The following STK25 variants were observed in gnomAD, a reference collection of about 807,000 sequenced individuals.
STK25 encodes serine/threonine kinase 25.
Under a neutral mutation model 53.8 loss-of-function variants are expected in STK25, and 29 were observed. The observed-to-expected ratio is 0.54, with a 90% CI of 0.40 to 0.74. The LOEUF (loss-of-function observed/expected upper bound fraction) is 0.74, where lower values mean the gene tolerates loss of function less well. STK25 is among the 30% of genes least tolerant of loss of function. The probability of loss-of-function intolerance (pLI) is 0.00; values close to 1 mark genes in which losing one functional copy is unlikely to be tolerated. For synonymous variants in STK25, 247 were observed against 238.3 expected, an observed-to-expected ratio of 1.04 and a Z score of -0.33; for missense variants, 420 against 568.0, an observed-to-expected ratio of 0.74 and a Z score of 2.65.
At chr2:241,499,621 C>G in intron 5 of STK25, 1 of 628,444 alleles carries the variant, frequency 1.6e-6, no homozygotes, top group South Asian at 2.0e-5. Flanking sequence ...GGCTCCACTC[C>G]GAGCTCCAGG....
chr2:241,498,920 G>A (rs766927899), intron 7 of STK25, 69 bp downstream of exon 7: 7 of 1,609,844 alleles, frequency 4.3e-6, no homozygotes, highest in Middle Eastern at 1.7e-4. Flanking sequence ...GGGCTGTGCC[G>A]CCCACCCCAA....
Position 241,507,522 on chromosome 2 carries a change from G to A in STK25, c.30+484C>T, listed in dbSNP as rs143645728. On this transcript the variant is annotated intron_variant, in intron 2 of 11. Coordinates refer to ENST00000316586, the MANE Select transcript of STK25 (RefSeq NM_001271977.2). Reference sequence around the variant, plus strand: ...TGTTCTCTGCTTTCCCTGCACACCGGCCACTCAGATCTGCTTCTCCACAAT... The same window carrying A: ...TGTTCTCTGCTTTCCCTGCACACCGACCACTCAGATCTGCTTCTCCACAAT... Among the ~76,000 whole-genome samples, 160 of 152,328 alleles carry A rather than the reference G, an allele frequency of 1.1e-3. 1 individual carries two copies. Among genetic ancestry groups the A allele is most frequent in the African/African-American group, 3.5e-3 (144 of 41,578 alleles).
chr2:241,504,469 G>A lies in STK25; in HGVS notation c.31-2761C>T, dbSNP rs918986503. 3.3e-5 allele frequency among the ~76,000 whole-genome samples: 5 copies of A among 152,290 alleles called. No individual in the cohort carries two copies. The East Asian group carries it at 9.6e-4, about 29-fold the overall frequency. ...GGGGTCATTCCGGTCAAGGTGAGCT[G>A]TGTCTGCCCCCAGCCCCATCACTGC... On this transcript the variant is annotated intron_variant, in intron 2 of 11. Transcript: ENST00000316586.
intron 2 of STK25, among the ~76,000 whole-genome samples, chr2:241,504,779 A>G (rs2065723182): frequency 6.6e-6 from 1 of 152,046 alleles, no homozygotes; most frequent in African/African-American, 2.4e-5. Context: ...GTCAGTGTTA[A>G]AATATCACCC....
At position 241,501,037 on chromosome 2, in the gene STK25, G is replaced by A. The variant is rs1039649796; in HGVS notation, c.262-241C>T. On this transcript the variant is annotated intron_variant, in intron 3 of 11. Coordinates refer to ENST00000316586, the MANE Select transcript of STK25 (RefSeq NM_001271977.2). This position sits in a 1 kb window ranked among gnomAD's most constrained non-coding sequence, Gnocchi z 5.3. ...GCAGTGGCTGACTCCACTTCACCAA[G>A]ACCCCATCAAAAACCAGGCTGCTGA... 2.2e-5 allele frequency: 13 copies of A among 585,914 alleles called. No individual in the cohort carries two copies. Among genetic ancestry groups the A allele is most frequent in the Non-Finnish European group, 1.8e-5 (6 of 328,718 alleles). 36.3% of individuals were successfully genotyped at this position (585,914 alleles called of 1,614,324 possible). A position where few individuals can be genotyped will look rare whatever the true frequency, so the allele number is the denominator to read the frequency against.
In STK25 at chr2:241,495,789, G is replaced by A. The variant is rs2065115004; in HGVS notation, c.1242-88C>T. The A allele has an allele frequency of 5.8e-6, 8 of 1,373,678 alleles. No individual in the cohort carries two copies. In the South Asian group the frequency reaches 7.0e-5, roughly 12 times the overall value. 85.1% of individuals were successfully genotyped at this position (1,373,678 alleles called of 1,614,324 possible). ...CTTGGGTGTGCAGTCTGCGGTGGCA[G>A]CCCTGACAAGCCACCGCACCACGTG... On this transcript the variant is annotated intron_variant, in intron 11 of 11. Coordinates refer to ENST00000316586, the MANE Select transcript of STK25 (RefSeq NM_001271977.2).
upstream of STK25, chr2:241,508,770 T>C (rs929601026): frequency 2.0e-6 from 2 of 984,162 alleles, no homozygotes; most frequent in Non-Finnish European, 1.2e-6. Flanking sequence ...CCCCTAGTCC[T>C]GCTCCCGAAA....
Position 241,495,592 on chromosome 2 carries a change from A to G in STK25, c.*70T>C. 6.4e-7 allele frequency: 1 copy of G among 1,571,892 alleles called. No individual in the cohort carries two copies. The highest frequency in any genetic ancestry group is 8.8e-7 in the Non-Finnish European group (1 of 1,141,632). On this transcript the variant is annotated 3_prime_UTR_variant, in exon 12 of 12. Transcript: ENST00000316586. ...CATAGCACAGGGCACCTTCCAAGTC[A>G]GCACAGTTCTTATGGAGCTCAGAAC...
intron 2 of STK25, among the ~76,000 whole-genome samples, chr2:241,506,873 G>A (rs1199356231): frequency 1.3e-5 from 2 of 152,228 alleles, no homozygotes; most frequent in Admixed American, 6.5e-5. Flanking sequence ...CCAAAAATCT[G>A]TTAGCTTAAT....
chr2:241,506,759 C>T (rs1462617965), intron 2 of STK25, among the ~76,000 whole-genome samples: 1 of 152,148 alleles, frequency 6.6e-6, no homozygotes, highest in African/African-American at 2.4e-5. Flanking sequence ...AAAAGCGAAA[C>T]TCCGTCTCAA....
At chr2:241,499,844 T>C in intron 5 of STK25, 2 of 466,266 alleles carry the variant, frequency 4.3e-6, no homozygotes, top group South Asian at 4.1e-5. Flanking sequence ...TCCCGTCTGC[T>C]CTCAGCAGGG....
Position 241,494,853 on chromosome 2 carries a change from CTCT to C in STK25, c.*806_*808del, listed in dbSNP as rs2065063586. 6.6e-6 allele frequency: 1 copy of C among 152,162 alleles called. No individual in the cohort carries two copies. Among genetic ancestry groups the C allele is most frequent in the African/African-American group, 2.4e-5 (1 of 41,426 alleles). 9.4% of individuals were successfully genotyped at this position (152,162 alleles called of 1,614,324 possible). A position where few individuals can be genotyped will look rare whatever the true frequency, so the allele number is the denominator to read the frequency against. ...ACAGCATCTCCCCACCTGCATTCTCCTCTGCCTGCTCTGTTCTTCCGGTGGGCC... is the reference window on the plus strand; with the variant it reads ...ACAGCATCTCCCCACCTGCATTCTCCGCCTGCTCTGTTCTTCCGGTGGGCC... On this transcript the variant is annotated 3_prime_UTR_variant, in exon 12 of 12. Transcript: ENST00000316586. The surrounding 1 kb of genome is among the most constrained non-coding windows in gnomAD (Gnocchi z 4.9).
rs996576945 is a variant in STK25 at position 241,496,537 on chromosome 2, G to A, written c.1105-3C>T. 1.2e-6 allele frequency: 2 copies of A among 1,612,722 alleles called. No homozygotes were observed. Among genetic ancestry groups the A allele is most frequent in the Non-Finnish European group, 8.5e-7 (1 of 1,179,332 alleles). On this transcript the variant is annotated splice_region_variant and splice_polypyrimidine_tract_variant and intron_variant, in intron 10 of 11. Coordinates refer to ENST00000316586, the MANE Select transcript of STK25 (RefSeq NM_001271977.2). This position sits in a 1 kb window ranked among gnomAD's most constrained non-coding sequence, Gnocchi z 5.8. ...CTCTGCTTGTGCTTCTCTTTGAGCT[G>A]TGAAAAGACCACCACGCCTGACCCT...
Position 241,493,046 on chromosome 2 carries a change from T to A in STK25, c.*2616A>T. ...CTACAAAACTCATCAGGTACTGGAG[T>A]TTCACTGGAGCCCAATGCAGGTGAT... On this transcript the variant is annotated 3_prime_UTR_variant, in exon 12 of 12. Transcript: ENST00000316586. The A allele has an allele frequency of 6.8e-7, 1 of 1,464,476 alleles. No individual in the cohort carries two copies. The highest frequency in any genetic ancestry group is 9.6e-7 in the Non-Finnish European group (1 of 1,043,274). 90.7% of individuals were successfully genotyped at this position (1,464,476 alleles called of 1,614,324 possible).
chr2:241,495,578 G>T lies in STK25; in HGVS notation c.*84C>A. 6.7e-7 allele frequency: 1 copy of T among 1,499,968 alleles called. No individual in the cohort carries two copies. The highest frequency in any genetic ancestry group is 9.3e-7 in the Non-Finnish European group (1 of 1,076,758). 92.9% of individuals were successfully genotyped at this position (1,499,968 alleles called of 1,614,324 possible). A position where few individuals can be genotyped will look rare whatever the true frequency, so the allele number is the denominator to read the frequency against. On this transcript the variant is annotated 3_prime_UTR_variant, in exon 12 of 12. Transcript: ENST00000316586. The stretch of plus-strand genomic sequence containing the variant: ...CCCTGCAGGCACGACATAGCACAGG[G>T]CACCTTCCAAGTCAGCACAGTTCTT...
Position 241,507,093 on chromosome 2 carries a change from G to T in STK25, c.30+913C>A, listed in dbSNP as rs201174631. 3.3e-5 allele frequency among the ~76,000 whole-genome samples: 5 copies of T among 152,330 alleles called. No individual in the cohort carries two copies. In the East Asian group the frequency reaches 9.7e-4, roughly 29 times the overall value. On this transcript the variant is annotated intron_variant, in intron 2 of 11. Coordinates refer to ENST00000316586, the MANE Select transcript of STK25 (RefSeq NM_001271977.2). ...CCATTCAGCACATAGGAGTGAACAA[G>T]GAGGGCCACACATTTTAGCGGCGAT...
Position 241,501,864 on chromosome 2 carries a change from T to A in STK25, c.31-156A>T. Reference sequence around the variant, plus strand: ...CTTCTCTGGTTTCTTCCTTTCTCCCTTTTTGTTCAAAAACTAAACTTGGCC... The same window carrying A: ...CTTCTCTGGTTTCTTCCTTTCTCCCATTTTGTTCAAAAACTAAACTTGGCC... On this transcript the variant is annotated intron_variant, in intron 2 of 11. Coordinates refer to ENST00000316586, the MANE Select transcript of STK25 (RefSeq NM_001271977.2). The surrounding 1 kb of genome is among the most constrained non-coding windows in gnomAD (Gnocchi z 5.3). The A allele has an allele frequency of 1.6e-6, 1 of 613,218 alleles. No individual in the cohort carries two copies. Among genetic ancestry groups the A allele is most frequent in the Non-Finnish European group, 2.8e-6 (1 of 351,014 alleles). The allele number at this position is 613,218 out of a possible 1,614,324, so 38.0% of individuals were successfully genotyped here. A position where few individuals can be genotyped will look rare whatever the true frequency, so the allele number is the denominator to read the frequency against.
At chr2:241,503,499 T>C (rs1218702810) in intron 2 of STK25, among the ~76,000 whole-genome samples, 1 of 148,894 alleles carries the variant, frequency 6.7e-6, no homozygotes, top group African/African-American at 2.5e-5. Flanking sequence ...GATCACGAGG[T>C]CAGGAGATCA....
chr2:241,507,964 C>A, intron 2 of STK25, 42 bp downstream of exon 2: 2 of 1,542,120 alleles, frequency 1.3e-6, no homozygotes, highest in Non-Finnish European at 8.8e-7. Context: ...TGGAGCCCCT[C>A]GGTGAGAGGC....
Sources: allele counts gnomAD v4.1 joint callset (sites outside exome capture counted in the v4.1 genomes callset), GRCh38; gene constraint gnomAD v4.1.1; non-coding constraint Gnocchi (gnomAD v3.1); transcripts MANE v1.5; gene names NCBI Gene and HGNC (gene_info 2026-07-23, HGNC 2026-07-21).